LMO7: variants seen among roughly 807,000 people sequenced by gnomAD.
LMO7 encodes LIM domain 7.
LMO7 carries 120 observed loss-of-function variants against 206.5 expected under a neutral mutation model. The ratio of observed to expected loss-of-function variants is 0.58; its 90% CI spans 0.50 to 0.68. The LOEUF is 0.68. Among genes scored for constraint, LMO7 ranks in the 30% least tolerant of loss-of-function variants. The pLI, the probability that LMO7 is intolerant of heterozygous loss-of-function variation, is 0.00. For synonymous variants in LMO7, 706 were observed against 681.5 expected (o/e 1.04, Z -0.56); for missense variants, 1,959 against 1,957.9 (o/e 1.00, Z -0.01).
chr13:75,825,085 T>G (rs984246968), intron 15 of LMO7, among the ~76,000 whole-genome samples: 1 of 150,500 alleles, frequency 6.6e-6, no homozygotes, highest in African/African-American at 2.4e-5. Flanking sequence ...ATTTCTTTTG[T>G]TTTTTTTTCC....
At position 75,735,960 on chromosome 13, in the gene LMO7, G is replaced by A. The variant is rs185736776; in HGVS notation, c.210+8862G>A. Among the ~76,000 whole-genome samples, 412 of 152,112 alleles carry A rather than the reference G, an allele frequency of 2.7e-3. 5 individuals carry two copies. The highest frequency in any genetic ancestry group is 0.01 in the Middle Eastern group (3 of 294). ...TTGTCATTTCTTGGATCAATTACAT[G>A]CATTTTAAAGCAAATTAGACTTTGA... On this transcript the variant is annotated intron_variant, in intron 3 of 30. Coordinates refer to ENST00000377534, the MANE Select transcript of LMO7 (RefSeq NM_001306080.2).
intron 3 of LMO7, among the ~76,000 whole-genome samples, chr13:75,737,226 G>A (rs1457601201): frequency 6.6e-6 from 1 of 152,142 alleles, no homozygotes; most frequent in East Asian, 1.9e-4. Flanking sequence ...TAGGATTGGA[G>A]TGATGCATCT....
intron 1 of LMO7, among the ~76,000 whole-genome samples, chr13:75,706,876 G>T (rs1018204443): frequency 2.0e-5 from 3 of 151,910 alleles, no homozygotes; most frequent in Non-Finnish European, 2.9e-5. Flanking sequence ...TTGGTTTTTG[G>T]TGTCTGTTTC....
intron 4 of LMO7, among the ~76,000 whole-genome samples, chr13:75,783,054 A>G (rs1291734061): frequency 1.3e-5 from 2 of 152,240 alleles, no homozygotes; most frequent in South Asian, 2.1e-4. Context: ...GTAGGAACAA[A>G]GAATTCAAAA....
At chr13:75,695,024 A>G (rs2139671543) in intron 1 of LMO7, among the ~76,000 whole-genome samples, 1 of 152,218 alleles carries the variant, frequency 6.6e-6, no homozygotes, top group African/African-American at 2.4e-5. Flanking sequence ...ACACTCCGAC[A>G]CACCCCATGG....
chr13:75,682,546 T>A (rs1383268690), intron 1 of LMO7, among the ~76,000 whole-genome samples: 7 of 152,158 alleles, frequency 4.6e-5, no homozygotes, highest in African/African-American at 1.7e-4. Context: ...TCTTATCAGG[T>A]TGCCCAGATG....
chr13:75,842,912 G>A lies in LMO7; in HGVS notation c.4093G>A (p.Asp1365Asn), dbSNP rs752475701. Residue 1365 changes from aspartate to asparagine, a missense_variant, in exon 25 of 31, where the codon GAC becomes AAC. By Grantham distance (23) the Asp-to-Asn change is conservative. Transcript: ENST00000377534. ...EEASSGFLPG[D>N]RNKSRSTTEL... The stretch of plus-strand genomic sequence containing the variant: ...AGCATCTTCAGGTTTTCTTCCTGGT[G>A]ACAGGTATGTAGAGCATGTTATTGT... 1.3e-6 allele frequency: 2 copies of A among 1,585,462 alleles called. No individual in the cohort carries two copies. Among genetic ancestry groups the A allele is most frequent in the Middle Eastern group, 1.7e-4 (1 of 6,006 alleles).
At chr13:75,831,195 A>G (rs1474759962) in intron 15 of LMO7, among the ~76,000 whole-genome samples, 1 of 152,152 alleles carries the variant, frequency 6.6e-6, no homozygotes, top group Non-Finnish European at 1.5e-5. Context: ...GCATTTCCAC[A>G]TTTAAACTGC....
At chr13:75,726,908 G>A (rs760789484) in intron 2 of LMO7, 121 bp from the exon 3 acceptor site, 3 of 666,804 alleles carry the variant, frequency 4.5e-6, no homozygotes, top group Non-Finnish European at 8.2e-6. Context: ...TTGATGGGCT[G>A]TTGGCTCTCT....
chr13:75,745,675 C>T (rs1157550231), intron 3 of LMO7, among the ~76,000 whole-genome samples: 1 of 152,150 alleles, frequency 6.6e-6, no homozygotes, highest in African/African-American at 2.4e-5. Flanking sequence ...ATTGCTCTCC[C>T]TACTGTGAAT....
intron 3 of LMO7, among the ~76,000 whole-genome samples, chr13:75,756,167 G>A (rs1231954189): frequency 6.6e-6 from 1 of 152,104 alleles, no homozygotes; most frequent in African/African-American, 2.4e-5. Context: ...GGGCTTCTAA[G>A]CACCTTAAGG....
chr13:75,836,521 T>TTGA, intron 19 of LMO7, 64 bp downstream of exon 19: 1 of 857,950 alleles, frequency 1.2e-6, no homozygotes, highest in Non-Finnish European at 1.8e-6. Flanking sequence ...CAAGTTCTGC[T>TTGA]GTTATAAAAA....
At position 75,699,809 on chromosome 13, in the gene LMO7, G is replaced by A. The variant is rs966574141; in HGVS notation, c.70-13373G>A. On this transcript the variant is annotated intron_variant, in intron 1 of 30. Transcript: ENST00000377534. Reference sequence around the variant, plus strand: ...TCTTAACAGGAAACAGGGTTCAAGAGCAGAGAACTGGTCTGACTAGAATTC... The same window carrying A: ...TCTTAACAGGAAACAGGGTTCAAGAACAGAGAACTGGTCTGACTAGAATTC... Among the ~76,000 whole-genome samples, 5 of 152,324 alleles carry A rather than the reference G, an allele frequency of 3.3e-5. No homozygotes were observed. The South Asian group carries it at 1.0e-3, about 32-fold the overall frequency.
Position 75,792,884 on chromosome 13 carries a change from G to T in LMO7, c.318-2517G>T, listed in dbSNP as rs554776012. On this transcript the variant is annotated intron_variant, in intron 4 of 30. Coordinates refer to ENST00000377534, the MANE Select transcript of LMO7 (RefSeq NM_001306080.2). ...GTGAGTAAAAGGTAATAATGCGAAGGTCACTGCTTATGGTGTTTATCACAG... is the reference window on the plus strand; with the variant it reads ...GTGAGTAAAAGGTAATAATGCGAAGTTCACTGCTTATGGTGTTTATCACAG... 7.2e-5 allele frequency among the ~76,000 whole-genome samples: 11 copies of T among 152,298 alleles called. No homozygotes were observed. The East Asian group carries it at 1.7e-3, about 24-fold the overall frequency.
chr13:75,721,517 A>C (rs981353655), intron 2 of LMO7, among the ~76,000 whole-genome samples: 2 of 152,188 alleles, frequency 1.3e-5, no homozygotes, highest in Admixed American at 6.5e-5. Flanking sequence ...GTTTAGAGGA[A>C]AAGTAAGCAA....
chr13:75,756,331 A>C (rs2047681066), intron 3 of LMO7, among the ~76,000 whole-genome samples: 1 of 152,222 alleles, frequency 6.6e-6, no homozygotes, highest in South Asian at 2.1e-4. Context: ...TTGCAGAAAC[A>C]CTGCCAGCTG....
At chr13:75,621,890 CT>C in intron 1 of LMO7, 1 of 1,526,692 alleles carries the variant, frequency 6.6e-7, no homozygotes, top group Non-Finnish European at 8.9e-7. Context: ...TCCTTGAATA[CT>C]TTTATATTAT....
rs144815074 is a variant in LMO7 at position 75,689,771 on chromosome 13, C to G, written c.70-23411C>G. 4.6e-3 allele frequency among the ~76,000 whole-genome samples: 708 copies of G among 152,316 alleles called. 3 individuals carry two copies. The highest frequency in any genetic ancestry group is 7.0e-3 in the Non-Finnish European group (473 of 68,026). On this transcript the variant is annotated intron_variant, in intron 1 of 30. Transcript: ENST00000377534. Reference sequence around the variant, plus strand: ...CCTACACCAGCGGTTTGCCATGGCTCTCGGGCCTTCAGCCACAGACTGGAG... The same window carrying G: ...CCTACACCAGCGGTTTGCCATGGCTGTCGGGCCTTCAGCCACAGACTGGAG...
Position 75,760,930 on chromosome 13 carries a change from A to C in LMO7, c.211-2A>C. 1 of 1,612,982 alleles carries C rather than the reference A, an allele frequency of 6.2e-7. No homozygotes were observed. The highest frequency in any genetic ancestry group is 8.5e-7 in the Non-Finnish European group (1 of 1,179,542). On this transcript the variant is annotated splice_acceptor_variant, in intron 3 of 30. Transcript: ENST00000377534. LOFTEE classifies it high-confidence loss of function. ...GCAATCACTTTCCACTTCTTTTCAC[A>C]GGATAATATAAACGTTTTCTTGAAA...
Sources: gnomAD v4.1 joint callset for allele counts (sites outside exome capture counted in the v4.1 genomes callset) on GRCh38, gnomAD v4.1.1 for gene constraint, MANE v1.5 for transcripts, NCBI Gene and HGNC (gene_info 2026-07-23, HGNC 2026-07-21) for gene names.